The following FLT1 variants were observed in gnomAD, a reference collection of about 807,000 sequenced individuals.
The protein encoded by FLT1 is vascular endothelial growth factor receptor 1.
Under a neutral mutation model 156.3 loss-of-function variants are expected in FLT1, and 49 were observed. The observed-to-expected ratio is 0.31, with a 90% CI of 0.25 to 0.40. FLT1 has a LOEUF of 0.40. Ranked by LOEUF, FLT1 falls within the 10% of genes least tolerant of loss-of-function variation. The pLI is 1.00. For synonymous variants in FLT1, 594 were observed against 583.8 expected, an observed-to-expected ratio of 1.02 and a Z score of -0.25; for missense variants, 1,322 against 1,637.2, an observed-to-expected ratio of 0.81 and a Z score of 3.32.
chr13:28,450,560 G>C (rs977577097), intron 3 of FLT1, among the ~76,000 whole-genome samples: 3 of 151,918 alleles, frequency 2.0e-5, no homozygotes, highest in African/African-American at 7.3e-5. Context: ...AAGAAGGAAG[G>C]AGAGAGGAAG....
intron 23 of FLT1, among the ~76,000 whole-genome samples, chr13:28,320,506 T>C (rs1025742503): frequency 9.2e-5 from 14 of 151,978 alleles, no homozygotes; most frequent in Non-Finnish European, 1.6e-4. Context: ...CGACACAAAT[T>C]CGTAAACTTT....
chr13:28,333,989 A>G (rs369838145), intron 18 of FLT1, 36 bp downstream of exon 18: 4 of 1,250,422 alleles, frequency 3.2e-6, no homozygotes, highest in Non-Finnish European at 4.7e-6. Flanking sequence ...CAAAATGGTG[A>G]TGGGTCAGTT....
intron 6 of FLT1, among the ~76,000 whole-genome samples, chr13:28,431,512 T>C (rs1877681493): frequency 6.6e-6 from 1 of 152,230 alleles, no homozygotes; most frequent in South Asian, 2.1e-4. Flanking sequence ...TAGCAGGATT[T>C]ATTTAGCACT....
chr13:28,466,801 T>A (rs564356146), intron 3 of FLT1, 102 bp downstream of exon 3: 3 of 818,700 alleles, frequency 3.7e-6, no homozygotes, highest in Non-Finnish European at 6.3e-6. Context: ...AACCCGTTTC[T>A]TTCATACTCA....
Position 28,327,788 on chromosome 13 carries a change from G to T in FLT1, c.2708-238C>A, listed in dbSNP as rs554975120. 2.3e-3 allele frequency among the ~76,000 whole-genome samples: 340 copies of T among 151,030 alleles called. 1 individual carries two copies. The highest frequency in any genetic ancestry group is 7.9e-3 in the African/African-American group (324 of 40,962). On this transcript the variant is annotated intron_variant, in intron 19 of 29. Coordinates refer to ENST00000282397, the MANE Select transcript of FLT1 (RefSeq NM_002019.4). ...AAAAAAAAAAAAAAGGAGGTGAGGG[G>T]CAGTGCAGAAGCATTAGAGAGAAAA...
chr13:28,404,251 A>G (rs553015575), intron 11 of FLT1, among the ~76,000 whole-genome samples: 11 of 152,308 alleles, frequency 7.2e-5, no homozygotes, highest in Admixed American at 7.2e-4. Flanking sequence ...TAAGTGTTTA[A>G]TAAGAGACTA....
intron 11 of FLT1, chr13:28,399,194 C>T: frequency 1.1e-6 from 1 of 951,730 alleles, no homozygotes; most frequent in Middle Eastern, 2.3e-4. Context: ...CCCTTCAAAG[C>T]AGTATGCAAA....
At chr13:28,490,359 G>A (rs939991412) in intron 1 of FLT1, among the ~76,000 whole-genome samples, 7 of 152,162 alleles carry the variant, frequency 4.6e-5, no homozygotes, top group African/African-American at 9.7e-5. Context: ...CCCCACATCC[G>A]CCCCAGCGGC....
At chr13:28,319,302 C>T in intron 24 of FLT1, 121 bp downstream of exon 24, 1 of 714,488 alleles carries the variant, frequency 1.4e-6, no homozygotes, top group Non-Finnish European at 2.5e-6. Flanking sequence ...GCCCATTACA[C>T]TTTAAGAGTT....
At chr13:28,399,689 A>G (rs1875311877) in intron 11 of FLT1, among the ~76,000 whole-genome samples, 1 of 152,220 alleles carries the variant, frequency 6.6e-6, no homozygotes. Context: ...CACAAGATGG[A>G]GACAGAAATG....
At chr13:28,475,657 A>T (rs902487350) in intron 1 of FLT1, among the ~76,000 whole-genome samples, 2 of 152,226 alleles carry the variant, frequency 1.3e-5, no homozygotes, top group Non-Finnish European at 2.9e-5. Flanking sequence ...CGCTACCAAC[A>T]TTTTTATTTG....
At chr13:28,345,331 T>A in intron 16 of FLT1, 114 bp downstream of exon 16, 2 of 709,014 alleles carry the variant, frequency 2.8e-6, no homozygotes, top group Non-Finnish European at 5.1e-6. Context: ...GAGATAGGAA[T>A]GAGAGGGAAG....
At chr13:28,425,709 C>A (rs1290999346) in intron 10 of FLT1, among the ~76,000 whole-genome samples, 1 of 152,020 alleles carries the variant, frequency 6.6e-6, no homozygotes, top group Non-Finnish European at 1.5e-5. Context: ...TTATCCGAAT[C>A]TAATAGCTTC....
chr13:28,308,162 C>T (rs945184879), intron 28 of FLT1, among the ~76,000 whole-genome samples: 10 of 152,122 alleles, frequency 6.6e-5, no homozygotes, highest in African/African-American at 2.2e-4. Context: ...GGGCAGGTCC[C>T]GAGAGCTGGC....
intron 8 of FLT1, 86 bp from the exon 9 acceptor site, chr13:28,428,007 C>G (rs1358230685): frequency 1.7e-6 from 2 of 1,152,420 alleles, no homozygotes; most frequent in African/African-American, 1.5e-5. Context: ...TTTTTGAGCT[C>G]AAGTTGACCA....
chr13:28,343,570 A>G (rs957599863), intron 16 of FLT1, among the ~76,000 whole-genome samples: 1 of 151,408 alleles, frequency 6.6e-6, no homozygotes, highest in Admixed American at 6.6e-5. Context: ...AGGCGTCCCA[A>G]AGTGCTCAGA....
chr13:28,419,103 G>A (rs967328617), intron 10 of FLT1, among the ~76,000 whole-genome samples: 8 of 152,144 alleles, frequency 5.3e-5, no homozygotes, highest in South Asian at 2.1e-4. Flanking sequence ...GTGGCAAAAC[G>A]TCCTAGGAGG....
intron 1 of FLT1, among the ~76,000 whole-genome samples, chr13:28,494,253 C>T (rs1411652480): frequency 1.3e-5 from 2 of 152,244 alleles, no homozygotes. Context: ...ATCGGCTCCC[C>T]TCCTACACTC....
intron 3 of FLT1, among the ~76,000 whole-genome samples, chr13:28,449,333 A>G (rs561235199): frequency 6.6e-6 from 1 of 152,298 alleles, no homozygotes; most frequent in Admixed American, 6.5e-5. Context: ...TGGCATAATG[A>G]AACATCTCTG....
Sources: gnomAD v4.1 joint callset for allele counts (sites outside exome capture counted in the v4.1 genomes callset) on GRCh38, gnomAD v4.1.1 for gene constraint, MANE v1.5 for transcripts, NCBI Gene and HGNC (gene_info 2026-07-23, HGNC 2026-07-21) for gene names.